VTI1A: variants seen among roughly 807,000 people sequenced by gnomAD.
VTI1A encodes the protein vesicle transport through interaction with t-SNAREs homolog 1A.
A neutral mutation model predicts 34.9 loss-of-function variants in VTI1A; 22 were observed. That is an observed-to-expected ratio of 0.63 (90% confidence interval 0.45 to 0.90). VTI1A has a LOEUF of 0.90. Among genes scored for constraint, VTI1A ranks in the 40% least tolerant of loss-of-function variants. The pLI is 0.00. For missense variants in VTI1A, 268 were observed against 275.6 expected (o/e 0.97, Z 0.20); for synonymous variants, 87 against 97.3 (o/e 0.89, Z 0.62).
chr10:112,528,910 A>T lies in VTI1A; in HGVS notation c.342+1746A>T, dbSNP rs527590568. 1.5e-4 allele frequency among the ~76,000 whole-genome samples: 23 copies of T among 152,104 alleles called. 1 individual carries two copies. The highest frequency in any genetic ancestry group is 2.8e-4 in the Non-Finnish European group (19 of 67,964). On this transcript the variant is annotated intron_variant, in intron 4 of 7. Coordinates refer to ENST00000393077, the MANE Select transcript of VTI1A (RefSeq NM_145206.4). ...GTTCACTTCTCTTAATGGACATTTT[A>T]TATGCCTAAAACATTTGCCTTGCGT...
chr10:112,537,249 G>T (rs2134250845), intron 4 of VTI1A, among the ~76,000 whole-genome samples: 1 of 138,324 alleles, frequency 7.2e-6, no homozygotes, highest in East Asian at 2.1e-4. Context: ...ATACATGTAT[G>T]CATGTACACA....
chr10:112,545,993 C>CGTGTATACGCGTATGTGTGTGTATATAT (rs1851077828), intron 5 of VTI1A, among the ~76,000 whole-genome samples: 1 of 140,368 alleles, frequency 7.1e-6, no homozygotes, highest in Non-Finnish European at 1.5e-5. Context: ...TGTGTATATA[C>CGTGTATACGCGTATGTGTGTGTATATAT]GTGTATACGC....
intron 3 of VTI1A, among the ~76,000 whole-genome samples, chr10:112,486,754 G>A (rs914629950): frequency 1.0e-4 from 13 of 129,030 alleles, no homozygotes; most frequent in Admixed American, 3.6e-4. Context: ...AACCAATAAT[G>A]TTGCCTACAA....
intron 3 of VTI1A, among the ~76,000 whole-genome samples, chr10:112,481,799 A>G (rs1053602810): frequency 6.6e-6 from 1 of 152,322 alleles, no homozygotes; most frequent in East Asian, 1.9e-4. Context: ...TTCTCTTGGC[A>G]GTGAGCCGAG....
Position 112,723,263 on chromosome 10 carries a change from A to T in VTI1A, c.560+54265A>T, listed in dbSNP as rs1417192531. Among the ~76,000 whole-genome samples the T allele has an allele frequency of 5.3e-5, 8 of 152,292 alleles. No homozygotes were observed. In the East Asian group the frequency reaches 1.2e-3, roughly 22 times the overall value. On this transcript the variant is annotated intron_variant, in intron 7 of 7. Transcript: ENST00000393077. The stretch of plus-strand genomic sequence containing the variant: ...GCTAGGTGTTAGAAGCTAGGAACCT[A>T]TAGAAAAAGTGCTCTTCCCTGTACA...
intron 5 of VTI1A, among the ~76,000 whole-genome samples, chr10:112,610,764 A>G (rs2134512593): frequency 6.6e-6 from 1 of 152,012 alleles, no homozygotes; most frequent in East Asian, 1.9e-4. Flanking sequence ...AAAATACACA[A>G]AAAAACTAGC....
At chr10:112,565,523 A>C (rs1162477224) in intron 5 of VTI1A, among the ~76,000 whole-genome samples, 4 of 152,186 alleles carry the variant, frequency 2.6e-5, no homozygotes, top group Admixed American at 6.5e-5. Flanking sequence ...ATAGAAGCTA[A>C]ATTCTTTCCT....
At chr10:112,448,803 C>T (rs966238395) in intron 1 of VTI1A, 29 of 152,310 alleles carry the variant, frequency 1.9e-4, no homozygotes, top group Middle Eastern at 3.4e-3. Context: ...CCTACTTCCC[C>T]CAAAACTTAT....
intron 5 of VTI1A, among the ~76,000 whole-genome samples, chr10:112,610,281 C>T (rs1388753177): frequency 6.6e-6 from 1 of 151,570 alleles, no homozygotes; most frequent in African/African-American, 2.4e-5. Context: ...GTAAGAGCTT[C>T]AAAGAAGCCA....
Position 112,490,135 on chromosome 10 carries a change from T to G in VTI1A, c.264+25478T>G, listed in dbSNP as rs535266393. 1.4e-4 allele frequency among the ~76,000 whole-genome samples: 21 copies of G among 152,364 alleles called. No individual in the cohort carries two copies. The South Asian group carries it at 4.3e-3, about 32-fold the overall frequency. On this transcript the variant is annotated intron_variant, in intron 3 of 7. Transcript: ENST00000393077. ...TTTCTTTTTAAATCAATGCCACTTG[T>G]TCCTGGAAATTAAGTGCTTTCATGG...
chr10:112,578,486 G>A (rs1208194340), intron 5 of VTI1A, among the ~76,000 whole-genome samples: 7 of 152,176 alleles, frequency 4.6e-5, no homozygotes, highest in African/African-American at 1.7e-4. Flanking sequence ...AAGTGCCCAA[G>A]TGTTTTCATT....
intron 5 of VTI1A, among the ~76,000 whole-genome samples, chr10:112,560,146 G>A (rs1393229940): frequency 6.6e-6 from 1 of 152,138 alleles, no homozygotes; most frequent in Non-Finnish European, 1.5e-5. Flanking sequence ...GTTTAGTAAT[G>A]GGTGTACTTT....
At chr10:112,695,255 G>A (rs1298590763) in intron 7 of VTI1A, among the ~76,000 whole-genome samples, 1 of 151,992 alleles carries the variant, frequency 6.6e-6, no homozygotes, top group Non-Finnish European at 1.5e-5. Context: ...CATTTAAAAA[G>A]TTCAATATTT....
chr10:112,809,799 T>C (rs544306275), intron 7 of VTI1A, among the ~76,000 whole-genome samples: 2 of 152,202 alleles, frequency 1.3e-5, no homozygotes, highest in East Asian at 3.9e-4. Context: ...ACAAAAGAAA[T>C]TCGGACTGTG....
intron 7 of VTI1A, among the ~76,000 whole-genome samples, chr10:112,747,322 A>G (rs528121709): frequency 2.0e-5 from 3 of 152,334 alleles, no homozygotes; most frequent in African/African-American, 4.8e-5. Context: ...CTGAGAGTTC[A>G]TCGTTGTGCG....
At chr10:112,627,577 G>T (rs1409287198) in intron 5 of VTI1A, among the ~76,000 whole-genome samples, 1 of 151,960 alleles carries the variant, frequency 6.6e-6, no homozygotes, top group African/African-American at 2.4e-5. Context: ...AGCTTTGAGG[G>T]TTTCTCCCCT....
intron 5 of VTI1A, among the ~76,000 whole-genome samples, chr10:112,586,788 A>G (rs942725937): frequency 2.6e-5 from 4 of 152,296 alleles, no homozygotes; most frequent in African/African-American, 7.2e-5. Context: ...CAAATTCAGA[A>G]TTTCTCATTT....
At chr10:112,456,421 CAAAAAAAA>C (rs71035387) in intron 1 of VTI1A, among the ~76,000 whole-genome samples, 1 of 84,166 alleles carries the variant, frequency 1.2e-5, no homozygotes, top group African/African-American at 4.6e-5. Context: ...GAGTCCATCT[CAAAAAAAA>C]AAAAAAAAAA....
At position 112,646,648 on chromosome 10, in the gene VTI1A, A is replaced by G. The variant is rs112595781; in HGVS notation, c.428-21570A>G. ...CTCAGCCTCCCGAGTAGCTGGGATT[A>G]CAGGAGTGTGCCACCACGTCCAGCT... On this transcript the variant is annotated intron_variant, in intron 5 of 7. Coordinates refer to ENST00000393077, the MANE Select transcript of VTI1A (RefSeq NM_145206.4). Among the ~76,000 whole-genome samples, 1,276 of 151,998 alleles carry G rather than the reference A, an allele frequency of 8.4e-3. 21 individuals are homozygous for G. Among genetic ancestry groups the G allele is most frequent in the African/African-American group, 0.029 (1,209 of 41,422 alleles).
Sources: gnomAD v4.1 joint callset for allele counts (sites outside exome capture counted in the v4.1 genomes callset) on GRCh38, gnomAD v4.1.1 for gene constraint, MANE v1.5 for transcripts, NCBI Gene and HGNC (gene_info 2026-07-23, HGNC 2026-07-21) for gene names.